CBLB: variants seen among roughly 807,000 people sequenced by gnomAD.
CBLB encodes Cbl proto-oncogene B.
A neutral mutation model predicts 104.9 loss-of-function variants in CBLB; 31 were observed. That is an observed-to-expected ratio of 0.30 (90% CI 0.22 to 0.40). CBLB has a LOEUF of 0.40. Ranked by LOEUF, CBLB falls within the 10% of genes least tolerant of loss-of-function variation. The pLI is 1.00. For synonymous variants in CBLB, 440 were observed against 422.6 expected, an observed-to-expected ratio of 1.04 and a Z score of -0.51; for missense variants, 1,062 against 1,214.6, an observed-to-expected ratio of 0.87 and a Z score of 1.87.
At chr3:105,841,244 C>T (rs1407607849) in intron 3 of CBLB, among the ~76,000 whole-genome samples, 2 of 145,786 alleles carry the variant, frequency 1.4e-5, no homozygotes, top group African/African-American at 5.1e-5. Flanking sequence ...TGCAGTGAGC[C>T]GAGATCGTGC....
At chr3:105,669,448 C>A (rs1293711697) in intron 18 of CBLB, among the ~76,000 whole-genome samples, 5 of 152,156 alleles carry the variant, frequency 3.3e-5, no homozygotes, top group African/African-American at 9.7e-5. Flanking sequence ...GCTTCCAGAA[C>A]TGTGAGATAT....
intron 16 of CBLB, chr3:105,681,175 C>A (rs1015905435): frequency 4.5e-5 from 20 of 448,844 alleles, no homozygotes; most frequent in African/African-American, 3.5e-4. Flanking sequence ...CTCAACACTT[C>A]AAGTCATCAC....
intron 3 of CBLB, among the ~76,000 whole-genome samples, chr3:105,790,676 C>T (rs1243138547): frequency 6.6e-6 from 1 of 152,120 alleles, no homozygotes; most frequent in African/African-American, 2.4e-5. Flanking sequence ...CAAGGTGCTT[C>T]CAAAACACAG....
chr3:105,867,957 C>T (rs1182300587), intron 1 of CBLB, among the ~76,000 whole-genome samples: 1 of 152,058 alleles, frequency 6.6e-6, no homozygotes, highest in African/African-American at 2.4e-5. Context: ...TCCCCTCCTG[C>T]CTTAATTCCA....
In CBLB at chr3:105,677,346, C is replaced by T. The variant is rs549964468; in HGVS notation, c.2569+1085G>A. ...CTTCAAACTTTCTAAACTATCAAACCAAGTAAAAAAAAAAAAAAAAAACTA... is the reference window on the plus strand; with the variant it reads ...CTTCAAACTTTCTAAACTATCAAACTAAGTAAAAAAAAAAAAAAAAAACTA... On this transcript the variant is annotated intron_variant, in intron 17 of 18. Transcript: ENST00000394030. Among the ~76,000 whole-genome samples, 11 of 135,768 alleles carry T rather than the reference C, an allele frequency of 8.1e-5. No homozygotes were observed. The South Asian group carries it at 2.6e-3, about 32-fold the overall frequency. 89.1% of individuals were successfully genotyped at this position (135,768 alleles called of 152,430 possible).
chr3:105,784,513 A>C (rs1443485206), intron 3 of CBLB, among the ~76,000 whole-genome samples: 1 of 152,248 alleles, frequency 6.6e-6, no homozygotes. Flanking sequence ...AGTAGTAACA[A>C]ATTTTTTAAA....
At chr3:105,673,807 G>A (rs1015644421) in intron 17 of CBLB, 1 of 152,120 alleles carries the variant, frequency 6.6e-6, no homozygotes, top group African/African-American at 2.4e-5. Context: ...CCTACCTTCT[G>A]AAGTGACATG....
chr3:105,691,514 G>A (rs1346840750), intron 13 of CBLB, among the ~76,000 whole-genome samples: 2 of 152,178 alleles, frequency 1.3e-5, no homozygotes, highest in African/African-American at 4.8e-5. Flanking sequence ...CTTCCAGCTC[G>A]CTTGCCAATA....
At chr3:105,734,254 G>T in intron 8 of CBLB, 114 bp from the exon 9 acceptor site, 1 of 1,057,604 alleles carries the variant, frequency 9.5e-7, no homozygotes, top group South Asian at 1.3e-5. Flanking sequence ...AATTGACCTT[G>T]TCAGAATTTT....
At chr3:105,728,360 A>C (rs533299634) in intron 9 of CBLB, among the ~76,000 whole-genome samples, 54 of 152,342 alleles carry the variant, frequency 3.5e-4, no homozygotes, top group Admixed American at 1.3e-3. Flanking sequence ...ACTCCCATTC[A>C]CAACTGCTAC....
chr3:105,707,230 T>C (rs1309433568), intron 10 of CBLB, among the ~76,000 whole-genome samples: 1 of 152,208 alleles, frequency 6.6e-6, no homozygotes, highest in Admixed American at 6.5e-5. Flanking sequence ...TGAATGTAAT[T>C]GGAAGCATAT....
chr3:105,710,136 T>A (rs1359535970), intron 10 of CBLB, among the ~76,000 whole-genome samples: 1 of 151,974 alleles, frequency 6.6e-6, no homozygotes, highest in East Asian at 1.9e-4. Context: ...TTTCTATCTG[T>A]TATAATTGCT....
intron 16 of CBLB, among the ~76,000 whole-genome samples, chr3:105,680,273 C>T (rs989898326): frequency 1.3e-5 from 2 of 152,146 alleles, no homozygotes; most frequent in Admixed American, 6.5e-5. Flanking sequence ...AAAAAAATGA[C>T]ACGCATAAGA....
At chr3:105,823,913 A>T (rs533844846) in intron 3 of CBLB, among the ~76,000 whole-genome samples, 1 of 151,698 alleles carries the variant, frequency 6.6e-6, no homozygotes, top group African/African-American at 2.4e-5. Flanking sequence ...CTCAAACTCA[A>T]CCCTACCAAG....
At chr3:105,794,976 C>T (rs2082095763) in intron 3 of CBLB, among the ~76,000 whole-genome samples, 2 of 149,458 alleles carry the variant, frequency 1.3e-5, no homozygotes, top group Admixed American at 6.7e-5. Flanking sequence ...AGTGCAGTGG[C>T]GCTAACTCAG....
chr3:105,846,440 T>G (rs2090266142), intron 3 of CBLB, among the ~76,000 whole-genome samples: 1 of 152,058 alleles, frequency 6.6e-6, no homozygotes, highest in Non-Finnish European at 1.5e-5. Context: ...ATTGTTATAA[T>G]AACAAAAACA....
intron 1 of CBLB, 56 bp from the exon 2 acceptor site, chr3:105,867,647 C>T: frequency 1.3e-6 from 2 of 1,487,260 alleles, no homozygotes; most frequent in South Asian, 2.3e-5. Flanking sequence ...AATATTTACC[C>T]ACCAGAAAAC....
intron 3 of CBLB, among the ~76,000 whole-genome samples, chr3:105,815,170 C>T (rs1473555137): frequency 1.3e-5 from 2 of 152,094 alleles, no homozygotes; most frequent in East Asian, 3.9e-4. Context: ...TGTAAACCTA[C>T]ATTATTGCCC....
At chr3:105,662,549 G>T (rs1051839778) in intron 18 of CBLB, among the ~76,000 whole-genome samples, 1 of 152,156 alleles carries the variant, frequency 6.6e-6, no homozygotes, top group Non-Finnish European at 1.5e-5. Context: ...GTGAGCCACA[G>T]AATATAAATA....
Sources: allele counts gnomAD v4.1 joint callset (sites outside exome capture counted in the v4.1 genomes callset), GRCh38; gene constraint gnomAD v4.1.1; transcripts MANE v1.5; gene names NCBI Gene and HGNC (gene_info 2026-07-23, HGNC 2026-07-21).